Variants in CCDC141 observed in about 807,000 individuals in gnomAD.
CCDC141 encodes coiled-coil domain-containing protein 141.
Under a neutral mutation model 181.0 loss-of-function variants are expected in CCDC141, and 168 were observed. That is an observed-to-expected ratio of 0.93 (90% CI 0.82 to 1.05). The LOEUF (loss-of-function observed/expected upper bound fraction) is 1.05. CCDC141 is among the 50% of genes least tolerant of loss of function. The pLI, the probability that CCDC141 is intolerant of heterozygous loss-of-function variation, is 0.00. For synonymous variants in CCDC141, 666 were observed against 642.3 expected, an observed-to-expected ratio of 1.04 and a Z score of -0.56; for missense variants, 1,902 against 1,788.5, an observed-to-expected ratio of 1.06 and a Z score of -1.14.
At chr2:178,891,894 A>G (rs1348908275) in intron 8 of CCDC141, among the ~76,000 whole-genome samples, 1 of 151,776 alleles carries the variant, frequency 6.6e-6, no homozygotes, top group Non-Finnish European at 1.5e-5. Flanking sequence ...AGGGAAATAA[A>G]TGGTGTCCTA....
chr2:179,049,589 CTTT>C (rs199994228), intron 1 of CCDC141, among the ~76,000 whole-genome samples: 8 of 135,564 alleles, frequency 5.9e-5, no homozygotes, highest in Admixed American at 7.4e-5. Context: ...TCTTTCTTTT[CTTT>C]TTTTTTTTTT....
At chr2:179,026,145 A>G (rs901779370) in intron 2 of CCDC141, among the ~76,000 whole-genome samples, 1 of 152,242 alleles carries the variant, frequency 6.6e-6, no homozygotes, top group Admixed American at 6.5e-5. Flanking sequence ...TTGCATAAGT[A>G]ATGAGGGGCC....
Position 178,846,496 on chromosome 2 carries a change from T to G in CCDC141, c.3358-754A>C, listed in dbSNP as rs542471502. On this transcript the variant is annotated intron_variant, in intron 21 of 23. Coordinates refer to ENST00000443758, the MANE Select transcript of CCDC141 (RefSeq NM_173648.4). ...ATGAGTCTTAAACAAACATGCATGC[T>G]CATCAAAATGCATATGCAACACTGG... Among the ~76,000 whole-genome samples, 49 of 152,260 alleles carry G rather than the reference T, an allele frequency of 3.2e-4. 1 individual carries two copies. The South Asian group carries it at 9.3e-3, about 29-fold the overall frequency.
intron 2 of CCDC141, among the ~76,000 whole-genome samples, chr2:178,984,411 C>A: frequency 6.6e-6 from 1 of 151,402 alleles, no homozygotes; most frequent in East Asian, 1.9e-4. Flanking sequence ...CATCAACTAA[C>A]GAGCAAAATC....
intron 2 of CCDC141, among the ~76,000 whole-genome samples, chr2:178,979,639 T>C (rs1691277630): frequency 6.6e-6 from 1 of 152,162 alleles, no homozygotes; most frequent in African/African-American, 2.4e-5. Context: ...AGATGAGCTA[T>C]ATCAGGCAAA....
intron 2 of CCDC141, among the ~76,000 whole-genome samples, chr2:179,003,988 A>T (rs765868105): frequency 7.9e-5 from 12 of 152,146 alleles, no homozygotes; most frequent in Non-Finnish European, 1.3e-4. Flanking sequence ...TATGCTGATG[A>T]GGTGGAGGGT....
At chr2:178,841,772 G>A (rs1163830002) in intron 22 of CCDC141, among the ~76,000 whole-genome samples, 1 of 152,136 alleles carries the variant, frequency 6.6e-6, no homozygotes, top group Non-Finnish European at 1.5e-5. Flanking sequence ...AGGCTCCCAA[G>A]TAGCTGGGAT....
At chr2:179,008,639 C>G (rs2042177482) in intron 2 of CCDC141, among the ~76,000 whole-genome samples, 1 of 152,142 alleles carries the variant, frequency 6.6e-6, no homozygotes, top group South Asian at 2.1e-4. Flanking sequence ...CCTCAGTTGA[C>G]TGTAACATAC....
chr2:178,924,338 C>G (rs74938273), intron 6 of CCDC141, among the ~76,000 whole-genome samples: 2,054 of 152,304 alleles, frequency 0.013, 47 homozygotes, highest in African/African-American at 0.047. Context: ...TAGCCTATTT[C>G]TTGTTTAACC....
chr2:178,851,633 C>T (rs1561635240), intron 20 of CCDC141, among the ~76,000 whole-genome samples: 2 of 152,284 alleles, frequency 1.3e-5, no homozygotes, highest in East Asian at 3.9e-4. Context: ...CTTGGACTTC[C>T]AGACCTCAGA....
chr2:178,853,636 T>A lies in CCDC141; in HGVS notation c.3061-12A>T. On this transcript the variant is annotated splice_polypyrimidine_tract_variant and intron_variant, in intron 19 of 23. Transcript: ENST00000443758. ...TACCAAAAATGACACTAAATTTAAA[T>A]GGGATAAAGCACAGATGAAAGAAAT... 6.2e-7 allele frequency: 1 copy of A among 1,609,596 alleles called. No homozygotes were observed. Among genetic ancestry groups the A allele is most frequent in the East Asian group, 2.2e-5 (1 of 44,782 alleles).
At chr2:179,045,719 T>C (rs895250776) in intron 2 of CCDC141, among the ~76,000 whole-genome samples, 1 of 152,124 alleles carries the variant, frequency 6.6e-6, no homozygotes, top group Non-Finnish European at 1.5e-5. Context: ...TGGTGTGAGA[T>C]GGTATCTCAT....
intron 2 of CCDC141, among the ~76,000 whole-genome samples, chr2:178,995,707 G>C (rs1208927351): frequency 6.6e-6 from 1 of 152,214 alleles, no homozygotes; most frequent in African/African-American, 2.4e-5. Context: ...AGAGATAGAT[G>C]AGTATGTGCC....
intron 18 of CCDC141, 85 bp from the exon 19 acceptor site, chr2:178,855,626 A>T: frequency 1.1e-6 from 1 of 884,780 alleles, no homozygotes; most frequent in Non-Finnish European, 1.6e-6. Flanking sequence ...AAAAACTGGT[A>T]AAAATTTTGC....
At chr2:178,991,286 T>A (rs1443920973) in intron 2 of CCDC141, among the ~76,000 whole-genome samples, 2 of 152,198 alleles carry the variant, frequency 1.3e-5, no homozygotes. Context: ...TGCAGTACTT[T>A]CCTCCCATAT....
chr2:178,868,997 G>A, intron 15 of CCDC141, 120 bp downstream of exon 15: 1 of 619,042 alleles, frequency 1.6e-6, no homozygotes, highest in Non-Finnish European at 2.5e-6. Flanking sequence ...ATAGGGGCCA[G>A]ATTGTGTAAA....
intron 6 of CCDC141, 59 bp from the exon 7 acceptor site, chr2:178,918,966 T>A (rs1039783468): frequency 3.5e-6 from 5 of 1,432,170 alleles, no homozygotes. Context: ...CGAATGCTTG[T>A]GTCCCCCCGA....
chr2:178,823,830 T>G, the CCDC141 span, among the ~76,000 whole-genome samples: 17 of 152,190 alleles, frequency 1.1e-4, no homozygotes, highest in South Asian at 6.2e-4. Flanking sequence ...AATTATCTAT[T>G]TTAAAACTGG....
chr2:178,996,267 G>A (rs995212338), intron 2 of CCDC141, among the ~76,000 whole-genome samples: 9 of 151,922 alleles, frequency 5.9e-5, no homozygotes, highest in East Asian at 1.9e-4. Context: ...TAGTAGAGAC[G>A]GGGTTTTGGC....
Sources: gnomAD v4.1 joint callset for allele counts (sites outside exome capture counted in the v4.1 genomes callset) on GRCh38, gnomAD v4.1.1 for gene constraint, MANE v1.5 for transcripts, NCBI Gene and HGNC (gene_info 2026-07-23, HGNC 2026-07-21) for gene names.